Variants in SAMD12 observed in about 807,000 individuals in gnomAD.
SAMD12 encodes the protein sterile alpha motif domain containing 12, also known as sterile alpha motif domain-containing protein 12.
SAMD12 carries 9 observed loss-of-function variants against 15.0 expected under a neutral mutation model. The ratio of observed to expected loss-of-function variants is 0.60; its 90% CI spans 0.36 to 1.05. SAMD12 has a LOEUF of 1.05. Among genes scored for constraint, SAMD12 ranks in the 50% least tolerant of loss-of-function variants. SAMD12 has a pLI of 0.01. For missense variants in SAMD12, 230 were observed against 234.2 expected (o/e 0.98, Z 0.12); for synonymous variants, 86 against 90.1 (o/e 0.96, Z 0.25).
intron 2 of SAMD12, among the ~76,000 whole-genome samples, chr8:118,503,912 G>C (rs1038735582): frequency 6.6e-6 from 1 of 152,186 alleles, no homozygotes; most frequent in African/African-American, 2.4e-5. Flanking sequence ...CAGCCATATT[G>C]AGTAGGGGTC....
chr8:118,145,019 T>G, the SAMD12 span, among the ~76,000 whole-genome samples: 7 of 152,234 alleles, frequency 4.6e-5, no homozygotes, highest in African/African-American at 1.4e-4. Context: ...CACAATAATG[T>G]GGCAAGTGCC....
chr8:118,258,605 C>T (rs1192491791), intron 4 of SAMD12, among the ~76,000 whole-genome samples: 1 of 152,030 alleles, frequency 6.6e-6, no homozygotes, highest in Non-Finnish European at 1.5e-5. Flanking sequence ...ATACCTGATC[C>T]ATTACCCCCC....
At chr8:118,161,778 A>G in the SAMD12 span, among the ~76,000 whole-genome samples, 1 of 151,942 alleles carries the variant, frequency 6.6e-6, no homozygotes, top group Admixed American at 6.6e-5. Context: ...TTAAACAGAC[A>G]TGTCTCCAAG....
chr8:118,477,730 A>G (rs529710973), intron 2 of SAMD12, among the ~76,000 whole-genome samples: 4 of 152,170 alleles, frequency 2.6e-5, no homozygotes, highest in African/African-American at 9.6e-5. Context: ...CTGACAGGGA[A>G]CTGGCCGGGC....
chr8:118,611,043 G>A (rs1828097580), intron 1 of SAMD12, among the ~76,000 whole-genome samples: 1 of 152,162 alleles, frequency 6.6e-6, no homozygotes. Flanking sequence ...AGTGCCCCAG[G>A]AGAATTTTAT....
intron 4 of SAMD12, among the ~76,000 whole-genome samples, chr8:118,213,644 G>A (rs1811891154): frequency 1.3e-5 from 2 of 152,182 alleles, no homozygotes; most frequent in South Asian, 4.1e-4. Context: ...GGCTTGCCAT[G>A]CAGCAGATCA....
chr8:118,358,416 T>C (rs73325646), intron 4 of SAMD12, among the ~76,000 whole-genome samples: 5,646 of 152,226 alleles, frequency 0.037, 321 homozygotes, highest in African/African-American at 0.12. Context: ...CTCTTTCAAA[T>C]CGCATTAAGT....
chr8:118,168,096 T>G, the SAMD12 span, among the ~76,000 whole-genome samples: 14 of 152,364 alleles, frequency 9.2e-5, no homozygotes, highest in South Asian at 2.9e-3. Context: ...ATCAGGGGTT[T>G]CTGCTTTTGC....
At chr8:118,140,743 A>T in the SAMD12 span, among the ~76,000 whole-genome samples, 2 of 152,188 alleles carry the variant, frequency 1.3e-5, no homozygotes, top group Non-Finnish European at 2.9e-5. Context: ...TGGGCTGTAC[A>T]ATTAATTCTG....
At chr8:118,545,400 G>A (rs1043534185) in intron 2 of SAMD12, among the ~76,000 whole-genome samples, 1 of 152,214 alleles carries the variant, frequency 6.6e-6, no homozygotes, top group Admixed American at 6.5e-5. Context: ...CTGGGAGGCA[G>A]AGGTTGCAGT....
chr8:118,215,554 G>T (rs867533264), intron 4 of SAMD12, among the ~76,000 whole-genome samples: 1 of 151,840 alleles, frequency 6.6e-6, no homozygotes, highest in African/African-American at 2.4e-5. Context: ...ATGGTGGTGC[G>T]CTGGACCCAC....
At chr8:118,184,899 TGTTC>T (rs567728031), downstream of SAMD12, among the ~76,000 whole-genome samples, 1,231 of 111,096 alleles carry the variant, frequency 0.011, 19 homozygotes, top group African/African-American at 0.032. Context: ...TGATACCATT[TGTTC>T]TTTTTTTTTT....
At chr8:118,165,618 A>ATATATATATACATATATATGTATATATG in the SAMD12 span, among the ~76,000 whole-genome samples, 1 of 63,634 alleles carries the variant, frequency 1.6e-5, no homozygotes, top group African/African-American at 6.2e-5. Context: ...ATATATGTAT[A>ATATATATATACATATATATGTATATATG]TATATATATA....
intron 1 of SAMD12, among the ~76,000 whole-genome samples, chr8:118,584,922 TACACACACAC>T (rs141290440): frequency 4.1e-5 from 6 of 147,076 alleles, no homozygotes; most frequent in East Asian, 4.1e-4. Flanking sequence ...CTTGTAGGTA[TACACACACAC>T]ACACACACAC....
At chr8:118,460,374 G>C (rs1239255857) in intron 2 of SAMD12, among the ~76,000 whole-genome samples, 2 of 152,118 alleles carry the variant, frequency 1.3e-5, no homozygotes, top group Non-Finnish European at 2.9e-5. Flanking sequence ...AATTTGCTGG[G>C]ACACAAAGAT....
At chr8:118,262,147 C>G (rs1740789873) in intron 4 of SAMD12, among the ~76,000 whole-genome samples, 1 of 151,992 alleles carries the variant, frequency 6.6e-6, no homozygotes, top group Non-Finnish European at 1.5e-5. Flanking sequence ...TCAACAGCCA[C>G]TCACTACTTG....
intron 4 of SAMD12, among the ~76,000 whole-genome samples, chr8:118,344,667 C>G (rs1817544047): frequency 6.6e-6 from 1 of 152,172 alleles, no homozygotes. Flanking sequence ...GGATAACACA[C>G]CATGTCATAG....
At chr8:118,414,829 C>T (rs952620215) in intron 3 of SAMD12, among the ~76,000 whole-genome samples, 1 of 152,146 alleles carries the variant, frequency 6.6e-6, no homozygotes, top group Non-Finnish European at 1.5e-5. Context: ...GCGACACTAA[C>T]CAGAAGGACC....
At chr8:118,382,210 G>T (rs1819709209) in intron 3 of SAMD12, among the ~76,000 whole-genome samples, 1 of 152,190 alleles carries the variant, frequency 6.6e-6, no homozygotes, top group Non-Finnish European at 1.5e-5. Context: ...ACATAAAAAT[G>T]TAGATCACCC....
Sources: gnomAD v4.1 joint callset for allele counts (sites outside exome capture counted in the v4.1 genomes callset) on GRCh38, gnomAD v4.1.1 for gene constraint, MANE v1.5 for transcripts, NCBI Gene and HGNC (gene_info 2026-07-23, HGNC 2026-07-21) for gene names.